TANC1: variants seen among roughly 807,000 people sequenced by gnomAD.
TANC1 encodes tetratricopeptide repeat, ankyrin repeat and coiled-coil containing 1.
TANC1 carries 77 observed loss-of-function variants against 149.7 expected under a neutral mutation model. That is an observed-to-expected ratio of 0.51 (90% CI 0.43 to 0.62). The LOEUF is 0.62. Among genes scored for constraint, TANC1 ranks in the 20% least tolerant of loss-of-function variants. The pLI is 0.00. For missense variants in TANC1, 1,985 were observed against 2,321.8 expected, an observed-to-expected ratio of 0.85 and a Z score of 2.98; for synonymous variants, 854 against 925.0, an observed-to-expected ratio of 0.92 and a Z score of 1.39.
At chr2:159,130,357 G>A (rs11692517) in intron 4 of TANC1, among the ~76,000 whole-genome samples, 36,137 of 152,074 alleles carry the variant, frequency 0.24, 5,299 homozygotes, top group Non-Finnish European at 0.34. Flanking sequence ...TGAATATTTC[G>A]TTTTAAACAA....
At chr2:159,049,126 TCTA>T (rs2041284217) in intron 2 of TANC1, among the ~76,000 whole-genome samples, 1 of 152,234 alleles carries the variant, frequency 6.6e-6, no homozygotes, top group African/African-American at 2.4e-5. Flanking sequence ...TTAGAGTGTG[TCTA>T]AGGAGAGGGC....
At chr2:159,008,693 A>G (rs1395813273) in intron 2 of TANC1, among the ~76,000 whole-genome samples, 3 of 152,208 alleles carry the variant, frequency 2.0e-5, no homozygotes, top group Non-Finnish European at 4.4e-5. Flanking sequence ...ATTCTCTTTT[A>G]CTGCATATAT....
chr2:159,200,864 T>C (rs1033656958), intron 19 of TANC1, among the ~76,000 whole-genome samples: 3 of 152,234 alleles, frequency 2.0e-5, no homozygotes, highest in South Asian at 4.1e-4. Flanking sequence ...CCCTTGGGTC[T>C]TAATGAAAAG....
chr2:159,112,803 A>G (rs542655570), intron 4 of TANC1, among the ~76,000 whole-genome samples: 16 of 151,106 alleles, frequency 1.1e-4, no homozygotes, highest in Non-Finnish European at 2.2e-4. Context: ...CTGCTCTCAA[A>G]CTCCTAGCCT....
At chr2:159,029,453 A>G (rs935094808) in intron 2 of TANC1, among the ~76,000 whole-genome samples, 4 of 152,234 alleles carry the variant, frequency 2.6e-5, no homozygotes, top group African/African-American at 7.2e-5. Context: ...CATGGCATAC[A>G]GAGTGGGTTC....
intron 1 of TANC1, among the ~76,000 whole-genome samples, chr2:158,975,111 G>C (rs1423310556): frequency 2.0e-5 from 3 of 151,928 alleles, no homozygotes; most frequent in Admixed American, 6.6e-5. Context: ...GTAAATGCTA[G>C]ATAAATAGTT....
At chr2:159,068,440 A>G (rs1297891695) in intron 3 of TANC1, among the ~76,000 whole-genome samples, 1 of 152,208 alleles carries the variant, frequency 6.6e-6, no homozygotes, top group African/African-American at 2.4e-5. Flanking sequence ...ACATGTCTAA[A>G]AACTTGAGTT....
intron 1 of TANC1, among the ~76,000 whole-genome samples, chr2:158,969,245 C>T (rs1438643191): frequency 6.6e-6 from 1 of 151,844 alleles, no homozygotes; most frequent in Non-Finnish European, 1.5e-5. Flanking sequence ...GGAGGCGCGC[C>T]TGGCACCGCG....
Position 159,097,822 on chromosome 2 carries a change from A to C in TANC1, c.247A>C (p.Lys83Gln). The change falls in exon 4 of 27, where the codon AAA (lysine) becomes CAA (glutamine). Residue 83 changes from lysine to glutamine, a missense_variant. Coordinates refer to ENST00000263635, the MANE Select transcript of TANC1 (RefSeq NM_033394.3). ...TCACTTGGTGCAATCAAGAGTGAAC[A>C]AAAAATCCCCAGGTAAACAGGCAAT... ...QSHLVQSRVN[K>Q]KSPGPVRKPK... 6.2e-7 allele frequency: 1 copy of C among 1,611,826 alleles called. No homozygotes were observed. Among genetic ancestry groups the C allele is most frequent in the South Asian group, 1.1e-5 (1 of 91,046 alleles).
At chr2:159,096,048 G>A (rs2046093866) in intron 3 of TANC1, among the ~76,000 whole-genome samples, 1 of 152,144 alleles carries the variant, frequency 6.6e-6, no homozygotes, top group South Asian at 2.1e-4. Flanking sequence ...GGCGTGGCAA[G>A]GACTGGTTGG....
intron 7 of TANC1, among the ~76,000 whole-genome samples, chr2:159,160,902 C>T (rs2053985328): frequency 6.6e-6 from 1 of 152,200 alleles, no homozygotes; most frequent in African/African-American, 2.4e-5. Context: ...GTGACTGCTC[C>T]TGCAGCTGAG....
At chr2:159,155,052 T>G (rs538275066) in intron 7 of TANC1, among the ~76,000 whole-genome samples, 26 of 152,376 alleles carry the variant, frequency 1.7e-4, no homozygotes, top group African/African-American at 5.5e-4. Flanking sequence ...ATATAAAGTA[T>G]GTTTTCATTA....
Position 159,219,262 on chromosome 2 carries a change from G to A in TANC1, c.3403G>A (p.Gly1135Ser), listed in dbSNP as rs1164106492. 8.7e-6 allele frequency: 14 copies of A among 1,614,060 alleles called. No individual in the cohort carries two copies. The highest frequency in any genetic ancestry group is 4.4e-5 in the South Asian group (4 of 91,074). ...GATTGTTAGACTGCTGTTGGAACGC[G>A]GCTGTGATGTGAACCTAAGTGACAA... Reference protein sequence around the residue: ...WQIVRLLLERGCDVNLSDKQG... With the variant: ...WQIVRLLLERSCDVNLSDKQG... Residue 1135 changes from glycine to serine, a missense_variant, in exon 21 of 27, where the codon GGC (glycine) becomes AGC (serine). By Grantham distance (56) the Gly-to-Ser change is moderately conservative (BLOSUM62 0). Transcript: ENST00000263635.
intron 22 of TANC1, 94 bp downstream of exon 22, chr2:159,219,961 C>A: frequency 2.5e-6 from 3 of 1,182,324 alleles, no homozygotes; most frequent in African/African-American, 3.1e-5. Context: ...GAGGTTGTGT[C>A]TCAGTGTCAT....
intron 3 of TANC1, among the ~76,000 whole-genome samples, chr2:159,071,520 A>G (rs77143943): frequency 6.6e-6 from 1 of 152,156 alleles, no homozygotes; most frequent in Non-Finnish European, 1.5e-5. Context: ...GAATTAATCT[A>G]TTAGCTTTGC....
intron 16 of TANC1, 90 bp downstream of exon 16, chr2:159,187,114 G>GT: frequency 6.7e-7 from 1 of 1,498,804 alleles, no homozygotes; most frequent in Non-Finnish European, 9.0e-7. Context: ...TCTGCCCTGG[G>GT]TGGTGGTGAG....
intron 8 of TANC1, among the ~76,000 whole-genome samples, chr2:159,167,391 G>A (rs1019145983): frequency 2.6e-5 from 4 of 152,234 alleles, no homozygotes; most frequent in Admixed American, 1.3e-4. Context: ...GGAAGACAGT[G>A]TAGTCCTGTT....
intron 4 of TANC1, among the ~76,000 whole-genome samples, chr2:159,102,802 T>TC (rs2046869313): frequency 1.3e-5 from 1 of 79,430 alleles, no homozygotes; most frequent in African/African-American, 3.8e-5. Flanking sequence ...CACTGCAAGC[T>TC]CCGCCTCCCA....
intron 5 of TANC1, 132 bp from the exon 6 acceptor site, chr2:159,149,010 T>C (rs2052467694): frequency 6.7e-6 from 7 of 1,047,266 alleles, no homozygotes; most frequent in Non-Finnish European, 9.7e-6. Context: ...CAGGGTGCGT[T>C]GTCCAACTTT....
Sources: allele counts gnomAD v4.1 joint callset (sites outside exome capture counted in the v4.1 genomes callset), GRCh38; gene constraint gnomAD v4.1.1; transcripts MANE v1.5; gene names NCBI Gene and HGNC (gene_info 2026-07-23, HGNC 2026-07-21).